The following UST variants were observed in gnomAD, a reference collection of about 807,000 sequenced individuals.
UST encodes uronyl 2-sulfotransferase.
A neutral mutation model predicts 45.6 loss-of-function variants in UST; 21 were observed. The observed-to-expected ratio is 0.46, with a 90% CI of 0.33 to 0.66. The LOEUF (loss-of-function observed/expected upper bound fraction) is 0.66. Ranked by LOEUF, UST falls within the 30% of genes least tolerant of loss-of-function variation. The pLI, the probability that UST is intolerant of heterozygous loss-of-function variation, is 0.02. For missense variants in UST, 463 were observed against 512.4 expected (o/e 0.90, Z 0.93); for synonymous variants, 215 against 200.6 (o/e 1.07, Z -0.61).
At chr6:149,001,307 C>T (rs2486393) in intron 5 of UST, among the ~76,000 whole-genome samples, 33,530 of 152,024 alleles carry the variant, frequency 0.22, 3,937 homozygotes, top group South Asian at 0.33. Context: ...CTCCTGACCT[C>T]GGATCTGCCC....
At chr6:148,750,121 A>G (rs746131307) in intron 1 of UST, among the ~76,000 whole-genome samples, 5 of 152,236 alleles carry the variant, frequency 3.3e-5, no homozygotes, top group Non-Finnish European at 5.9e-5. Flanking sequence ...TTTGGCAGCA[A>G]GTATTTTTCG....
intron 3 of UST, among the ~76,000 whole-genome samples, chr6:148,951,804 C>G (rs998371385): frequency 1.8e-4 from 27 of 152,200 alleles, no homozygotes; most frequent in African/African-American, 5.8e-4. Context: ...TACCTTGATT[C>G]TATGTTTAAA....
intron 5 of UST, among the ~76,000 whole-genome samples, chr6:149,010,913 A>AAAAACAAAAAAC (rs1554234082): frequency 2.2e-5 from 2 of 93,002 alleles, no homozygotes; most frequent in African/African-American, 8.7e-5. Context: ...AAAAAAAAAA[A>AAAAACAAAAAAC]AAAAAACTGT....
intron 5 of UST, among the ~76,000 whole-genome samples, chr6:148,976,882 CCTTTTT>C (rs1781026940): frequency 6.6e-6 from 1 of 152,004 alleles, no homozygotes; most frequent in Non-Finnish European, 1.5e-5. Context: ...AATTTATCAA[CCTTTTT>C]CTTTTTATGG....
At chr6:148,864,348 T>C (rs1009070834) in intron 1 of UST, among the ~76,000 whole-genome samples, 1 of 152,188 alleles carries the variant, frequency 6.6e-6, no homozygotes, top group African/African-American at 2.4e-5. Context: ...CTAAGACCAT[T>C]GGAAAATCGC....
chr6:148,747,455 G>C lies in UST; in HGVS notation c.25G>C (p.Gly9Arg), dbSNP rs774259630. MKKKQQHP[G>R]GGADPWPHGA... ...GATGAAGAAGAAGCAGCAGCATCCC[G>C]GCGGCGGCGCGGATCCCTGGCCCCA... Residue 9 changes from glycine to arginine, a missense_variant, in exon 1 of 8, where the codon GGC (glycine) becomes CGC (arginine). Gly to Arg is a moderately radical substitution (Grantham distance 125, BLOSUM62 -2). This residue lies in a region of UST where 176 missense variants were observed against 138.3 expected (regional missense o/e 1.27). Transcript: ENST00000367463. 4 of 1,428,014 alleles carry C rather than the reference G, an allele frequency of 2.8e-6. No homozygotes were observed. Among genetic ancestry groups the C allele is most frequent in the Non-Finnish European group, 2.8e-6 (3 of 1,088,560 alleles). The allele number at this position is 1,428,014 out of a possible 1,614,324, so 88.5% of individuals were successfully genotyped here.
At chr6:149,047,499 A>G (rs1654672850) in intron 7 of UST, among the ~76,000 whole-genome samples, 1 of 152,234 alleles carries the variant, frequency 6.6e-6, no homozygotes. Context: ...TTCAAAATTT[A>G]AAAGTCCTTT....
At chr6:148,871,117 C>CCTTTCTCTCTCTCT (rs1554221898) in intron 1 of UST, among the ~76,000 whole-genome samples, 1 of 97,586 alleles carries the variant, frequency 1.0e-5, no homozygotes, top group African/African-American at 4.6e-5. Context: ...GCATTCTCTC[C>CCTTTCTCTCTCTCT]CTCTCTCTCT....
At chr6:149,045,682 T>G (rs1245469131) in intron 7 of UST, among the ~76,000 whole-genome samples, 1 of 152,198 alleles carries the variant, frequency 6.6e-6, no homozygotes, top group African/African-American at 2.4e-5. Flanking sequence ...ATCTCTCTCC[T>G]GCAGTTGAAA....
At chr6:148,853,960 C>T (rs1778153978) in intron 1 of UST, among the ~76,000 whole-genome samples, 1 of 152,188 alleles carries the variant, frequency 6.6e-6, no homozygotes, top group African/African-American at 2.4e-5. Flanking sequence ...TACATAAGGA[C>T]AAAAATGTGC....
chr6:148,886,878 T>A, intron 1 of UST, 108 bp from the exon 2 acceptor site: 1 of 926,602 alleles, frequency 1.1e-6, no homozygotes, highest in Non-Finnish European at 1.8e-6. Context: ...GGTACTGTTG[T>A]CTGAGCAGAA....
chr6:148,930,151 G>A (rs561424672), intron 2 of UST, among the ~76,000 whole-genome samples: 7 of 152,190 alleles, frequency 4.6e-5, no homozygotes, highest in African/African-American at 9.6e-5. Flanking sequence ...CACCCCTTCC[G>A]TTCTCATACC....
intron 5 of UST, among the ~76,000 whole-genome samples, chr6:148,992,104 A>G (rs1328429298): frequency 6.6e-6 from 1 of 152,188 alleles, no homozygotes; most frequent in African/African-American, 2.4e-5. Context: ...CCTGTTTATG[A>G]TCATAGCCTT....
chr6:148,811,302 A>G (rs140577950), intron 1 of UST, among the ~76,000 whole-genome samples: 495 of 152,254 alleles, frequency 3.3e-3, no homozygotes, highest in Non-Finnish European at 6.0e-3. Context: ...ATGCCTGGGT[A>G]TTATGAGAGT....
At chr6:148,906,131 C>T (rs943112738) in intron 2 of UST, among the ~76,000 whole-genome samples, 10 of 152,154 alleles carry the variant, frequency 6.6e-5, no homozygotes, top group Admixed American at 2.0e-4. Context: ...GCCTCTAGCG[C>T]GGTGCTGTAG....
chr6:149,075,184 G>A lies in UST; in HGVS notation c.*1068G>A, dbSNP rs1034577116. The A allele has an allele frequency of 6.6e-5, 10 of 152,216 alleles. No homozygotes were observed. Among genetic ancestry groups the A allele is most frequent in the African/African-American group, 2.4e-4 (10 of 41,446 alleles). The allele number at this position is 152,216 out of a possible 1,614,324, so 9.4% of individuals were successfully genotyped here. A position where few individuals can be genotyped will look rare whatever the true frequency, so the allele number is the denominator to read the frequency against. On this transcript the variant is annotated 3_prime_UTR_variant, in exon 8 of 8. Transcript: ENST00000367463. ...GCTCAGGCATTTGACTCCTACAGCA[G>A]AAGTTCTGAGCCTGACCACAGATGG...
At chr6:148,878,272 A>G (rs1312662497) in intron 1 of UST, among the ~76,000 whole-genome samples, 6 of 60,884 alleles carry the variant, frequency 9.9e-5, no homozygotes, top group African/African-American at 1.5e-4. Flanking sequence ...GAGATCGTGT[A>G]TGAGTACGGG....
intron 7 of UST, among the ~76,000 whole-genome samples, chr6:149,057,607 C>A (rs1200199352): frequency 1.3e-5 from 2 of 152,162 alleles, no homozygotes; most frequent in Non-Finnish European, 2.9e-5. Context: ...ATTATTGAGT[C>A]ATAGAAACAG....
rs1775744369 is a variant in UST at position 149,007,980 on chromosome 6, G to GAT, written c.682-11157_682-11156dup. Reference sequence around the variant, plus strand: ...AACTTGCCTCCTGGCTTCTTTAAGAGATAAACTGTTGCTGCAGTACGGTTA... The same window carrying GAT: ...AACTTGCCTCCTGGCTTCTTTAAGAGATATAAACTGTTGCTGCAGTACGGTTA... On this transcript the variant is annotated intron_variant, in intron 5 of 7. Coordinates refer to ENST00000367463, the MANE Select transcript of UST (RefSeq NM_005715.3). Among the ~76,000 whole-genome samples the GAT allele has an allele frequency of 2.0e-5, 3 of 152,128 alleles. No individual in the cohort carries two copies. The South Asian group carries it at 6.2e-4, about 32-fold the overall frequency.
Sources: gnomAD v4.1 joint callset for allele counts (sites outside exome capture counted in the v4.1 genomes callset) on GRCh38, gnomAD v4.1.1 for gene constraint, gnomAD v4.1.1 regional missense constraint, MANE v1.5 for transcripts, NCBI Gene and HGNC (gene_info 2026-07-23, HGNC 2026-07-21) for gene names.